CACNA2D3: variants seen among roughly 807,000 people sequenced by gnomAD.
The protein encoded by CACNA2D3 is voltage-dependent calcium channel subunit alpha-2/delta-3.
In CACNA2D3, 60 loss-of-function variants were observed where a neutral mutation model predicts 160.6. The ratio of observed to expected loss-of-function variants is 0.37; its 90% CI spans 0.30 to 0.46. The LOEUF is 0.46. Among genes scored for constraint, CACNA2D3 ranks in the 20% least tolerant of loss-of-function variants. The probability of loss-of-function intolerance (pLI) is 1.00; values close to 1 mark genes in which losing one functional copy is unlikely to be tolerated. For missense variants in CACNA2D3, 1,205 were observed against 1,365.0 expected (o/e 0.88, Z 1.85); for synonymous variants, 558 against 492.9 (o/e 1.13, Z -1.75).
chr3:54,586,941 TAAAAG>T (rs1575362741), intron 9 of CACNA2D3, among the ~76,000 whole-genome samples: 1 of 151,838 alleles, frequency 6.6e-6, no homozygotes, highest in African/African-American at 2.4e-5. Context: ...GAGGAAGTCT[TAAAAG>T]AAATTAAAAA....
chr3:54,237,397 T>G lies in CACNA2D3; in HGVS notation c.205-83045T>G, dbSNP rs77804871. Among the ~76,000 whole-genome samples, 705 of 152,294 alleles carry G rather than the reference T, an allele frequency of 4.6e-3. 5 individuals carry two copies. The highest frequency in any genetic ancestry group is 0.016 in the African/African-American group (659 of 41,550). On this transcript the variant is annotated intron_variant, in intron 2 of 37. Coordinates refer to ENST00000474759, the MANE Select transcript of CACNA2D3 (RefSeq NM_018398.3). ...CTTCCCAGACCCACCTAGATCTACC[T>G]AGGGATGGCCCCGTTGCTCTTTATC...
intron 11 of CACNA2D3, among the ~76,000 whole-genome samples, chr3:54,681,213 A>T (rs186653839): frequency 1.9e-4 from 29 of 151,896 alleles, no homozygotes. Flanking sequence ...ATACCATGTC[A>T]TCATGGTATA....
intron 4 of CACNA2D3, among the ~76,000 whole-genome samples, chr3:54,463,543 C>T (rs947973557): frequency 4.6e-5 from 7 of 152,168 alleles, no homozygotes; most frequent in Non-Finnish European, 1.0e-4. Flanking sequence ...ATCACTGATA[C>T]CCTTTCTTCC....
intron 14 of CACNA2D3, among the ~76,000 whole-genome samples, chr3:54,829,896 T>TC (rs1476030038): frequency 3.1e-5 from 4 of 128,724 alleles, no homozygotes; most frequent in African/African-American, 3.2e-5. Flanking sequence ...TTTTTTTTTT[T>TC]TTTTTTTTTT....
chr3:54,518,695 G>A (rs1701595180), intron 5 of CACNA2D3, among the ~76,000 whole-genome samples: 1 of 152,196 alleles, frequency 6.6e-6, no homozygotes, highest in African/African-American at 2.4e-5. Flanking sequence ...GTTCGATGAA[G>A]GAGATACTAT....
chr3:55,015,359 T>C (rs1009830235), intron 34 of CACNA2D3, among the ~76,000 whole-genome samples: 2 of 152,224 alleles, frequency 1.3e-5, no homozygotes, highest in Admixed American at 6.5e-5. Flanking sequence ...GCAAAACAGA[T>C]AACAACTGTT....
chr3:54,864,208 A>ATT (rs1234246768), intron 17 of CACNA2D3, among the ~76,000 whole-genome samples: 1 of 152,012 alleles, frequency 6.6e-6, no homozygotes, highest in Non-Finnish European at 1.5e-5. Context: ...ATTGAGTAAG[A>ATT]TATTGTAAGT....
At chr3:54,269,053 T>A (rs1702569227) in intron 2 of CACNA2D3, among the ~76,000 whole-genome samples, 1 of 152,112 alleles carries the variant, frequency 6.6e-6, no homozygotes, top group African/African-American at 2.4e-5. Context: ...TGTGGCTTGG[T>A]TTGGTTCTTT....
chr3:54,303,819 T>TTTTTTG (rs1553788124), intron 2 of CACNA2D3, among the ~76,000 whole-genome samples: 259 of 15,688 alleles, frequency 0.017, 8 homozygotes, highest in Middle Eastern at 0.026. Context: ...TTTTTTTCTG[T>TTTTTTG]TTTTTTTTTT....
At chr3:54,908,570 A>G (rs1185207526) in intron 27 of CACNA2D3, among the ~76,000 whole-genome samples, 1 of 152,146 alleles carries the variant, frequency 6.6e-6, no homozygotes, top group Non-Finnish European at 1.5e-5. Context: ...TACAGAAATT[A>G]GCTGGGCAGG....
At chr3:54,238,289 T>C (rs867101188) in intron 2 of CACNA2D3, among the ~76,000 whole-genome samples, 2 of 152,224 alleles carry the variant, frequency 1.3e-5, no homozygotes, top group African/African-American at 4.8e-5. Context: ...ATCTTTTATG[T>C]TGGCATTGAG....
intron 32 of CACNA2D3, among the ~76,000 whole-genome samples, chr3:55,006,419 C>A (rs1703096115): frequency 1.3e-5 from 2 of 152,166 alleles, no homozygotes; most frequent in Non-Finnish European, 1.5e-5. Context: ...CATTACCCAC[C>A]CAGCAGATAC....
intron 34 of CACNA2D3, among the ~76,000 whole-genome samples, chr3:55,012,237 C>A (rs1048752856): frequency 1.3e-5 from 2 of 151,958 alleles, no homozygotes; most frequent in Admixed American, 1.3e-4. Context: ...TTAAGCAATG[C>A]GTGCCAAGCC....
At chr3:54,411,056 C>G (rs1450371194) in intron 4 of CACNA2D3, among the ~76,000 whole-genome samples, 1 of 152,098 alleles carries the variant, frequency 6.6e-6, no homozygotes, top group Non-Finnish European at 1.5e-5. Flanking sequence ...AGCAAGAGGA[C>G]TAGAATTAGA....
chr3:54,236,031 A>C (rs188131119), intron 2 of CACNA2D3, among the ~76,000 whole-genome samples: 1 of 152,260 alleles, frequency 6.6e-6, no homozygotes, highest in Non-Finnish European at 1.5e-5. Flanking sequence ...GTGACACTTT[A>C]CCTCTGTGGT....
chr3:54,546,240 G>T (rs1004971437), intron 5 of CACNA2D3, among the ~76,000 whole-genome samples: 1 of 152,160 alleles, frequency 6.6e-6, no homozygotes, highest in Non-Finnish European at 1.5e-5. Flanking sequence ...CAGGTCACTG[G>T]TGAAGCCACG....
intron 13 of CACNA2D3, among the ~76,000 whole-genome samples, chr3:54,775,545 A>G (rs148860260): frequency 1.3e-5 from 2 of 152,308 alleles, no homozygotes; most frequent in Non-Finnish European, 2.9e-5. Context: ...GAATAGTCGT[A>G]TAGGATTCTC....
chr3:54,463,866 G>C (rs946536799), intron 4 of CACNA2D3, among the ~76,000 whole-genome samples: 2 of 152,122 alleles, frequency 1.3e-5, no homozygotes, highest in African/African-American at 2.4e-5. Context: ...AGAGTTTCCA[G>C]TTTTTCTGCT....
At chr3:54,803,881 A>G (rs1703052909) in intron 13 of CACNA2D3, among the ~76,000 whole-genome samples, 1 of 152,256 alleles carries the variant, frequency 6.6e-6, no homozygotes. Context: ...ACAAGCCAGA[A>G]GAGAGTGGGG....
Sources: allele counts gnomAD v4.1 joint callset (sites outside exome capture counted in the v4.1 genomes callset), GRCh38; gene constraint gnomAD v4.1.1; transcripts MANE v1.5; gene names NCBI Gene and HGNC (gene_info 2026-07-23, HGNC 2026-07-21).